NUP133: variants seen among roughly 807,000 people sequenced by gnomAD.
NUP133 encodes the protein nucleoporin 133, also known as nuclear pore complex protein Nup133.
In NUP133, 66 loss-of-function variants were observed where a neutral mutation model predicts 146.2. That is an observed-to-expected ratio of 0.45 (90% CI 0.37 to 0.55). The LOEUF (loss-of-function observed/expected upper bound fraction) is 0.55, where lower values mean the gene tolerates loss of function less well. NUP133 is among the 20% of genes least tolerant of loss of function. The probability of loss-of-function intolerance (pLI) is 0.00; values close to 1 mark genes in which losing one functional copy is unlikely to be tolerated. For synonymous variants in NUP133, 521 were observed against 498.8 expected, an observed-to-expected ratio of 1.04 and a Z score of -0.59; for missense variants, 1,277 against 1,374.8, an observed-to-expected ratio of 0.93 and a Z score of 1.12.
At chr1:229,479,832 G>A (rs779326572) in intron 12 of NUP133, among the ~76,000 whole-genome samples, 3 of 152,142 alleles carry the variant, frequency 2.0e-5, no homozygotes, top group South Asian at 2.1e-4. Context: ...GAATGTGGTC[G>A]ACAACTGAGA....
chr1:229,451,271 C>T (rs1660442351), intron 22 of NUP133, among the ~76,000 whole-genome samples: 2 of 151,896 alleles, frequency 1.3e-5, no homozygotes, highest in East Asian at 2.0e-4. Flanking sequence ...CAGTGGTGCA[C>T]ACCTGTGGTC....
intron 11 of NUP133, among the ~76,000 whole-genome samples, chr1:229,485,203 T>C (rs1016699626): frequency 1.3e-5 from 2 of 152,156 alleles, no homozygotes; most frequent in Non-Finnish European, 2.9e-5. Context: ...TCTGTGATAC[T>C]AACTACAACA....
Position 229,470,598 on chromosome 1 carries a change from T to C in NUP133, c.2058A>G (p.Ala686=). ...ATCTTACCTCCCTGAAAAAGACATC[T>C]GCAGGAGTCAGGTTGGATGGGATTT... ...EYEIPSNLTP[A]DVFFREVSQV... The change falls in exon 15 of 26, where the codon GCA becomes GCG. Residue 686 remains alanine (A), a synonymous_variant. Transcript: ENST00000261396. The C allele has an allele frequency of 7.4e-6, 12 of 1,614,124 alleles. No homozygotes were observed. Among genetic ancestry groups the C allele is most frequent in the Non-Finnish European group, 9.3e-6 (11 of 1,179,952 alleles).
intron 24 of NUP133, 150 bp downstream of exon 24, chr1:229,448,976 C>A (rs1292960768): frequency 6.1e-6 from 4 of 655,410 alleles, no homozygotes; most frequent in Middle Eastern, 4.0e-4. Context: ...CTGGTGCCCA[C>A]CAACAGAACT....
At position 229,475,895 on chromosome 1, in the gene NUP133, G is replaced by A. The variant is rs536450039; in HGVS notation, c.1757-163C>T. Among the ~76,000 whole-genome samples, 12 of 152,262 alleles carry A rather than the reference G, an allele frequency of 7.9e-5. No individual in the cohort carries two copies. The South Asian group carries it at 2.5e-3, about 32-fold the overall frequency. On this transcript the variant is annotated intron_variant, in intron 13 of 25. Transcript: ENST00000261396. ...GAGGTCGAGGTGGGCAGATCACGAG[G>A]TCAAGAGATCGAGACCATCCTGGCA...
chr1:229,473,661 C>T (rs1311028282), intron 14 of NUP133, among the ~76,000 whole-genome samples: 1 of 152,148 alleles, frequency 6.6e-6, no homozygotes, highest in Non-Finnish European at 1.5e-5. Context: ...CAGTGGCTCA[C>T]ACCTGTAATC....
At chr1:229,447,124 C>G (rs775057064) in intron 24 of NUP133, among the ~76,000 whole-genome samples, 2 of 151,792 alleles carry the variant, frequency 1.3e-5, no homozygotes, top group African/African-American at 2.4e-5. Context: ...AACTCCATCA[C>G]AAAAAAAGAA....
At chr1:229,461,907 G>A (rs1045426170) in intron 19 of NUP133, among the ~76,000 whole-genome samples, 8 of 147,576 alleles carry the variant, frequency 5.4e-5, no homozygotes, top group Non-Finnish European at 8.9e-5. Flanking sequence ...TTTTTGAGAC[G>A]GATTCTTGTT....
At chr1:229,460,482 A>G in intron 20 of NUP133, 129 bp downstream of exon 20, 1 of 879,952 alleles carries the variant, frequency 1.1e-6, no homozygotes, top group South Asian at 2.0e-5. Flanking sequence ...CAGCTCCCTT[A>G]TATATTTTGG....
rs1370380145 is a variant in NUP133, at chr1:229,458,386, CCT to C, written c.2845-92_2845-91del. The stretch of plus-strand genomic sequence containing the variant: ...GTAAACCCCAAACTTGTTTTTCTCC[CCT>C]AAGCCGTATCAATGAATGAGAAGTC... On this transcript the variant is annotated intron_variant, in intron 20 of 25. Coordinates refer to ENST00000261396, the MANE Select transcript of NUP133 (RefSeq NM_018230.3). 3.8e-6 allele frequency: 5 copies of C among 1,311,284 alleles called. No homozygotes were observed. In the East Asian group the frequency reaches 1.2e-4, roughly 31 times the overall value. 81.2% of individuals were successfully genotyped at this position (1,311,284 alleles called of 1,614,324 possible).
At chr1:229,457,299 C>T (rs1003843525) in intron 21 of NUP133, among the ~76,000 whole-genome samples, 2 of 152,110 alleles carry the variant, frequency 1.3e-5, no homozygotes, top group Admixed American at 1.3e-4. Context: ...ATTTCCAATT[C>T]AAATTCAATA....
chr1:229,489,972 A>G lies in NUP133; in HGVS notation c.1177T>C (p.Tyr393His), dbSNP rs1300872713. 1.2e-6 allele frequency: 2 copies of G among 1,601,632 alleles called. No homozygotes were observed. Among genetic ancestry groups the G allele is most frequent in the Non-Finnish European group, 1.7e-6 (2 of 1,174,208 alleles). ...SDAVTVEVTQ[Y>H]NPPFQSEDLI... Reference sequence around the variant, plus strand: ...AATCTTACCTGAAAAGGTGGATTATATTGAGTGACTTCTACAGTAACTGCA... The same window carrying G: ...AATCTTACCTGAAAAGGTGGATTATGTTGAGTGACTTCTACAGTAACTGCA... Residue 393 changes from tyrosine to histidine, a missense_variant, in exon 9 of 26, where the codon TAT (tyrosine) becomes CAT (histidine). Coordinates refer to ENST00000261396, the MANE Select transcript of NUP133 (RefSeq NM_018230.3).
chr1:229,498,901 C>T (rs964081408), intron 5 of NUP133, among the ~76,000 whole-genome samples: 3 of 151,386 alleles, frequency 2.0e-5, no homozygotes, highest in Non-Finnish European at 4.4e-5. Context: ...TTTTTGTTTG[C>T]TATTTTATTT....
chr1:229,463,885 C>T (rs954869264), intron 18 of NUP133, among the ~76,000 whole-genome samples: 4 of 152,128 alleles, frequency 2.6e-5, no homozygotes, highest in Non-Finnish European at 2.9e-5. Context: ...GTGGCTCACA[C>T]CTGTAATCCC....
At position 229,450,535 on chromosome 1, in the gene NUP133, T is replaced by C. The variant is rs776646966; in HGVS notation, c.3170A>G (p.Tyr1057Cys). The part of the protein sequence containing the change: ...DFKKALDLLE[Y>C]IDEEEDININ... ...AGCAATTTTACTTACCTCATCAATA[T>C]ATTCCAACAAGTCCAAAGCTTTCTT... is the stretch of plus-strand genomic sequence containing the variant. The change falls in exon 23 of 26, where the codon TAT (tyrosine) becomes TGT (cysteine). Residue 1057 changes from tyrosine to cysteine, a missense_variant. Coordinates refer to ENST00000261396, the MANE Select transcript of NUP133 (RefSeq NM_018230.3). 6 of 1,572,878 alleles carry C rather than the reference T, an allele frequency of 3.8e-6. No homozygotes were observed. Among genetic ancestry groups the C allele is most frequent in the East Asian group, 2.3e-5 (1 of 44,206 alleles).
intron 2 of NUP133, among the ~76,000 whole-genome samples, chr1:229,503,007 C>T (rs950118995): frequency 3.0e-4 from 45 of 151,864 alleles, no homozygotes; most frequent in African/African-American, 3.6e-4. Flanking sequence ...GTGGCTCACG[C>T]CTGTAATCCC....
At chr1:229,498,663 CAAG>C (rs886520108) in intron 5 of NUP133, among the ~76,000 whole-genome samples, 2 of 148,904 alleles carry the variant, frequency 1.3e-5, no homozygotes, top group African/African-American at 5.0e-5. Flanking sequence ...GGCAGAGGCA[CAAG>C]AATTGCTTGA....
At chr1:229,459,502 T>C (rs76703137) in intron 20 of NUP133, among the ~76,000 whole-genome samples, 2,335 of 152,318 alleles carry the variant, frequency 0.015, 67 homozygotes, top group African/African-American at 0.054. Flanking sequence ...TGTATATATG[T>C]ATATGTGTAT....
intron 21 of NUP133, among the ~76,000 whole-genome samples, chr1:229,453,869 G>T (rs565415103): frequency 6.6e-6 from 1 of 152,096 alleles, no homozygotes; most frequent in Non-Finnish European, 1.5e-5. Flanking sequence ...GGTAGTAAAT[G>T]ATAAAATAGA....
Sources: gnomAD v4.1 joint callset for allele counts (sites outside exome capture counted in the v4.1 genomes callset) on GRCh38, gnomAD v4.1.1 for gene constraint, MANE v1.5 for transcripts, NCBI Gene and HGNC (gene_info 2026-07-23, HGNC 2026-07-21) for gene names.